The following IL17RA variants were observed in gnomAD, a reference collection of about 807,000 sequenced individuals.
IL17RA encodes the protein interleukin-17 receptor A.
IL17RA carries 34 observed loss-of-function variants against 50.4 expected under a neutral mutation model. The ratio of observed to expected loss-of-function variants is 0.67; its 90% CI spans 0.51 to 0.90. The LOEUF (loss-of-function observed/expected upper bound fraction) is 0.90. Ranked by LOEUF, IL17RA falls within the 40% of genes least tolerant of loss-of-function variation. The pLI, the probability that IL17RA is intolerant of heterozygous loss-of-function variation, is 0.00. For missense variants in IL17RA, 1,276 were observed against 1,169.8 expected (o/e 1.09, Z -1.32); for synonymous variants, 585 against 510.4 (o/e 1.15, Z -1.97).
Position 17,114,454 on chromosome 22 carries a change from A to G in IL17RA, c.*4634A>G, listed in dbSNP as rs1184178078. ...TGAAGTGTGCCAGGAAGCCTGGCCC[A>G]GCCCACCTCCCCCTGGAGTCCTTCC... On this transcript the variant is annotated 3_prime_UTR_variant, in exon 13 of 13. Transcript: ENST00000319363. 2 of 152,318 alleles carry G rather than the reference A, an allele frequency of 1.3e-5. No homozygotes were observed. Among genetic ancestry groups the G allele is most frequent in the Non-Finnish European group, 2.9e-5 (2 of 68,122 alleles). 9.4% of individuals were successfully genotyped at this position (152,318 alleles called of 1,614,324 possible).
Position 17,100,474 on chromosome 22 carries a change from T to C in IL17RA, c.543T>C (p.Leu181=), listed in dbSNP as rs1601343161. The C allele has an allele frequency of 1.9e-6, 3 of 1,613,968 alleles. No individual in the cohort carries two copies. Among genetic ancestry groups the C allele is most frequent in the Admixed American group, 3.3e-5 (2 of 60,000 alleles). ...GDPNHQSKNF[L]VPDCEHARMK... is the part of the protein sequence containing the mutation. ...CAAACCACCAGTCCAAGAATTTCCT[T>C]GTGCCTGGTAAGAGCATCCTCCCAA... The change falls in exon 5 of 13, where the codon CTT becomes CTC. Residue 181 remains leucine, a synonymous_variant. Transcript: ENST00000319363.
chr22:17,097,462 A>G (rs1466893169), intron 2 of IL17RA: 2 of 517,432 alleles, frequency 3.9e-6, no homozygotes, highest in Admixed American at 6.5e-5. Flanking sequence ...GTCTGAGCCA[A>G]TTAGAGACCC....
At position 17,100,347 on chromosome 22, in the gene IL17RA, C is replaced by G; in HGVS notation, c.424-8C>G. ...TCCATCCACCTTCCCTTCCTCCCTT[C>G]TCTTCAGTGGCGTTTTACCTTCAGC... On this transcript the variant is annotated splice_polypyrimidine_tract_variant and splice_region_variant and intron_variant, in intron 4 of 12. Coordinates refer to ENST00000319363, the MANE Select transcript of IL17RA (RefSeq NM_014339.7). The G allele has an allele frequency of 6.2e-7, 1 of 1,614,110 alleles. No homozygotes were observed. The highest frequency in any genetic ancestry group is 8.5e-7 in the Non-Finnish European group (1 of 1,180,004).
chr22:17,115,367 C>T lies in IL17RA; in HGVS notation c.*5547C>T, dbSNP rs865855515. The T allele has an allele frequency of 6.3e-4, 96 of 152,370 alleles. No homozygotes were observed. The highest frequency in any genetic ancestry group is 2.2e-3 in the African/African-American group (91 of 41,580). 9.4% of individuals were successfully genotyped at this position (152,370 alleles called of 1,614,324 possible). ...GATTCTCACCACAGCCCTGTGATTG[C>T]TCCTGTTTTATAAATAATGACATAG... On this transcript the variant is annotated 3_prime_UTR_variant, in exon 13 of 13. Transcript: ENST00000319363.
rs200880853 is a variant in IL17RA at position 17,109,116 on chromosome 22, C to G, written c.1897C>G (p.Leu633Val). 295 of 1,553,650 alleles carry G rather than the reference C, an allele frequency of 1.9e-4. No homozygotes were observed. In the African/African-American group the frequency reaches 3.8e-3, roughly 20 times the overall value. The change falls in exon 13 of 13, where the codon CTG becomes GTG. Residue 633 changes from leucine (L) to valine (V), a missense_variant. Physicochemically the swap from Leu to Val is conservative, Grantham distance 32 (BLOSUM62 1). Transcript: ENST00000319363. ...LVREPGSQAC[L>V]AIDPLVGEEG... Reference sequence around the variant, plus strand: ...GCGCGAGCCTGGCTCCCAGGCCTGCCTGGCCATAGACCCGCTGGTCGGGGA... The same window carrying G: ...GCGCGAGCCTGGCTCCCAGGCCTGCGTGGCCATAGACCCGCTGGTCGGGGA...
intron 10 of IL17RA, 108 bp from the exon 11 acceptor site, chr22:17,105,717 GGGTGGGGGGTGAGACCATGGTTTGTCGT>G: frequency 7.4e-7 from 1 of 1,354,194 alleles, no homozygotes; most frequent in Non-Finnish European, 1.0e-6. Context: ...GGCCAGCCCG[GGGTGGGGGGTGAGACCATGGTTTGTCGT>G]GGTGGGGCCA....
At chr22:17,095,543 G>A (rs562477579) in intron 1 of IL17RA, among the ~76,000 whole-genome samples, 1 of 152,232 alleles carries the variant, frequency 6.6e-6, no homozygotes, top group South Asian at 2.1e-4. Context: ...TCCAAATGAT[G>A]TATCTGTTTG....
In IL17RA at chr22:17,102,290, C is replaced by T. The variant is rs2061394786; in HGVS notation, c.750C>T (p.His250=). ...MENHSCFEHM[H]HIPAPRPEEF... ...ACCACAGTTGCTTTGAGCACATGCA[C>T]CACATACCTGCGGTAACTCTGCTCT... is the stretch of plus-strand genomic sequence containing the variant. Residue 250 remains histidine, a synonymous_variant, in exon 7 of 13, where the codon CAC becomes CAT. Coordinates refer to ENST00000319363, the MANE Select transcript of IL17RA (RefSeq NM_014339.7). 6.2e-7 allele frequency: 1 copy of T among 1,614,198 alleles called. No individual in the cohort carries two copies. The highest frequency in any genetic ancestry group is 8.5e-7 in the Non-Finnish European group (1 of 1,180,032).
intron 11 of IL17RA, 65 bp from the exon 12 acceptor site, chr22:17,107,662 C>A: frequency 7.2e-7 from 1 of 1,386,000 alleles, no homozygotes; most frequent in Non-Finnish European, 1.0e-6. Flanking sequence ...GGGCAGACAC[C>A]CTGTGAGCTG....
chr22:17,092,138 C>T (rs1568916544), intron 1 of IL17RA, among the ~76,000 whole-genome samples: 1 of 152,162 alleles, frequency 6.6e-6, no homozygotes, highest in Non-Finnish European at 1.5e-5. Flanking sequence ...GTGGTTTAAT[C>T]AGTCATGCTC....
At chr22:17,108,199 G>C in intron 12 of IL17RA, 108 bp from the exon 13 acceptor site, 1 of 1,158,350 alleles carries the variant, frequency 8.6e-7, no homozygotes, top group East Asian at 2.5e-5. Context: ...TCAGCTTAGG[G>C]AGGGAGCCAA....
intron 1 of IL17RA, among the ~76,000 whole-genome samples, chr22:17,094,654 ACACTCTCT>A (rs1473723789): frequency 4.6e-5 from 1 of 21,632 alleles, no homozygotes; most frequent in African/African-American, 2.9e-4. Flanking sequence ...AGTCATACAC[ACACTCTCT>A]CTCTCTCTCT....
chr22:17,090,394 C>G (rs1017072558), intron 1 of IL17RA, among the ~76,000 whole-genome samples: 3 of 152,228 alleles, frequency 2.0e-5, no homozygotes, highest in Admixed American at 2.0e-4. Context: ...TCTTACTTTT[C>G]AGTCCTTTCA....
rs2061393955 is a variant in IL17RA, at chr22:17,102,150, G to C, written c.610G>C (p.Asp204His). ...TGTGACCTTGGCAGGCAGCCTGTGG[G>C]ACCCCAACATCACCGTGGAGACCCT... is the stretch of plus-strand genomic sequence containing the variant. ...TPCMSSGSLW[D>H]PNITVETLEA... Residue 204 changes from aspartate to histidine, a missense_variant, in exon 7 of 13, where the codon GAC (aspartate) becomes CAC (histidine). Coordinates refer to ENST00000319363, the MANE Select transcript of IL17RA (RefSeq NM_014339.7). 2 of 1,614,142 alleles carry C rather than the reference G, an allele frequency of 1.2e-6. No individual in the cohort carries two copies. The highest frequency in any genetic ancestry group is 8.5e-7 in the Non-Finnish European group (1 of 1,180,028).
At chr22:17,088,414 G>A (rs2061335871) in intron 1 of IL17RA, among the ~76,000 whole-genome samples, 2 of 152,016 alleles carry the variant, frequency 1.3e-5, no homozygotes, top group Admixed American at 6.6e-5. Context: ...CGCCTCCCGA[G>A]TTCAAGCAAT....
chr22:17,106,436 A>G (rs2061415058), intron 11 of IL17RA, among the ~76,000 whole-genome samples: 1 of 152,192 alleles, frequency 6.6e-6, no homozygotes, highest in Admixed American at 6.5e-5. Flanking sequence ...GTTACTTAAT[A>G]CACCATGGAT....
chr22:17,085,657 C>T (rs1365045865), intron 1 of IL17RA, among the ~76,000 whole-genome samples: 1 of 152,144 alleles, frequency 6.6e-6, no homozygotes, highest in African/African-American at 2.4e-5. Context: ...CCACGCCTTG[C>T]GCCCCTCACG....
Position 17,105,864 on chromosome 22 carries a change from C to T in IL17RA, c.955C>T (p.Leu319=), listed in dbSNP as rs2061412912. Residue 319 remains leucine (L), a synonymous_variant, in exon 11 of 13, where the codon CTG becomes TTG. Coordinates refer to ENST00000319363, the MANE Select transcript of IL17RA (RefSeq NM_014339.7). Reference sequence around the variant, plus strand: ...TCTGCTCACCGCAGACTACATGCCCCTGTGGGTGTACTGGTTCATCACGGG... The same window carrying T: ...TCTGCTCACCGCAGACTACATGCCCTTGTGGGTGTACTGGTTCATCACGGG... ...TPEPIPDYMP[L]WVYWFITGIS... 2.5e-6 allele frequency: 4 copies of T among 1,614,008 alleles called. No individual in the cohort carries two copies. The highest frequency in any genetic ancestry group is 3.4e-6 in the Non-Finnish European group (4 of 1,179,918).
chr22:17,099,739 C>T (rs537550148), intron 4 of IL17RA, among the ~76,000 whole-genome samples: 1 of 152,270 alleles, frequency 6.6e-6, no homozygotes, highest in South Asian at 2.1e-4. Flanking sequence ...GCAAAGGACC[C>T]CGGCCCCTCC....
Sources: allele counts gnomAD v4.1 joint callset (sites outside exome capture counted in the v4.1 genomes callset), GRCh38; gene constraint gnomAD v4.1.1; transcripts MANE v1.5; gene names NCBI Gene and HGNC (gene_info 2026-07-23, HGNC 2026-07-21).